Variants in MYO7B observed in about 807,000 individuals in gnomAD.
MYO7B encodes myosin VIIB, also known as unconventional myosin-VIIb.
MYO7B carries 212 observed loss-of-function variants against 259.7 expected under a neutral mutation model. The ratio of observed to expected loss-of-function variants is 0.82; its 90% confidence interval spans 0.73 to 0.91. The LOEUF is 0.91. Ranked by LOEUF, MYO7B falls within the 40% of genes least tolerant of loss-of-function variation. MYO7B has a pLI of 0.00. For missense variants in MYO7B, 2,732 were observed against 2,813.5 expected (o/e 0.97, Z 0.66); for synonymous variants, 1,197 against 1,166.4 (o/e 1.03, Z -0.54).
At position 127,576,699 on chromosome 2, in the gene MYO7B, C is replaced by T. The variant is rs984076331; in HGVS notation, c.840C>T (p.Tyr280=). Residue 280 remains tyrosine (Y), a synonymous_variant, in exon 8 of 48, where the codon TAC becomes TAT. Transcript: ENST00000409816. The surrounding 1 kb of genome is among the most constrained non-coding windows in gnomAD (Gnocchi z 4.9). ...LSLGTPSEYH[Y]LTMGNCTSCE... is the part of the protein sequence containing the mutation. Reference sequence around the variant, plus strand: ...TGGGCACGCCCTCCGAGTACCACTACCTGACCATGGTGAGCTGCCCACCTG... The same window carrying T: ...TGGGCACGCCCTCCGAGTACCACTATCTGACCATGGTGAGCTGCCCACCTG... 7.5e-6 allele frequency: 12 copies of T among 1,601,544 alleles called. No individual in the cohort carries two copies. The Admixed American group carries it at 1.0e-4, about 13-fold the overall frequency.
Position 127,607,245 on chromosome 2 carries a change from A to G in MYO7B, c.2464A>G (p.Ser822Gly). 1 of 1,550,440 alleles carries G rather than the reference A, an allele frequency of 6.4e-7. No homozygotes were observed. Among genetic ancestry groups the G allele is most frequent in the Non-Finnish European group, 8.7e-7 (1 of 1,146,922 alleles). Residue 822 changes from serine (S) to glycine (G), a missense_variant, in exon 21 of 48, where the codon AGC becomes GGC. Ser to Gly is a moderately conservative substitution (Grantham distance 56). Transcript: ENST00000409816. This position sits in a 1 kb window ranked among gnomAD's most constrained non-coding sequence, Gnocchi z 4.4. ...GFERLQAIAR[S>G]QPLARQYQAM... ...TGAGCGCCTGCAGGCTATTGCCCGG[A>G]GCCAGCCGCTGGCGAGGCAGTACCA...
chr2:127,573,854 T>A, intron 6 of MYO7B, 66 bp from the exon 7 acceptor site: 2 of 1,594,990 alleles, frequency 1.3e-6, no homozygotes, highest in South Asian at 2.2e-5. Flanking sequence ...CCCTCTTACA[T>A]GATCCCACTC....
chr2:127,588,524 G>A lies in MYO7B; in HGVS notation c.1823G>A (p.Arg608His), dbSNP rs374615055. ...ACCAAGCTGGGCCATGGGACCATCC[G>A]CCAGGCAAAGGCAGGAAACCATCTC... ...AETKLGHGTI[R>H]QAKAGNHLFK... The change falls in exon 15 of 48, where the codon CGC becomes CAC. Residue 608 changes from arginine (R) to histidine (H), a missense_variant. Transcript: ENST00000409816. 135 of 1,613,126 alleles carry A rather than the reference G, an allele frequency of 8.4e-5. No individual in the cohort carries two copies. Among genetic ancestry groups the A allele is most frequent in the Admixed American group, 1.7e-4 (10 of 60,008 alleles).
Position 127,628,345 on chromosome 2 carries a change from C to G in MYO7B, c.4461-27C>G. ...GGATCAGGGGAAGGTGGAGGGGGCT[C>G]CTGGTCACGCTGTCCTTCATCTCCA... On this transcript the variant is annotated intron_variant, in intron 33 of 47. Coordinates refer to ENST00000409816, the MANE Select transcript of MYO7B (RefSeq NM_001393586.1). The surrounding 1 kb of genome is among the most constrained non-coding windows in gnomAD (Gnocchi z 4.8). 6.3e-7 allele frequency: 1 copy of G among 1,581,834 alleles called. No homozygotes were observed. Among genetic ancestry groups the G allele is most frequent in the Non-Finnish European group, 8.6e-7 (1 of 1,166,854 alleles).
chr2:127,574,202 G>C (rs1193211578), intron 7 of MYO7B, 140 bp downstream of exon 7: 2 of 1,116,142 alleles, frequency 1.8e-6, no homozygotes, highest in Non-Finnish European at 2.5e-6. Flanking sequence ...GATAATGAGG[G>C]CCCTTCCCCA....
At chr2:127,626,769 ACT>A in intron 31 of MYO7B, 4 of 529,400 alleles carry the variant, frequency 7.6e-6, no homozygotes, top group South Asian at 4.3e-5. Flanking sequence ...ACAGAGCGAG[ACT>A]CTGTCTCAAA....
Position 127,584,726 on chromosome 2 carries a change from C to T in MYO7B, c.1555-52C>T. 6.2e-7 allele frequency: 1 copy of T among 1,605,030 alleles called. No homozygotes were observed. The highest frequency in any genetic ancestry group is 8.5e-7 in the Non-Finnish European group (1 of 1,174,864). On this transcript the variant is annotated intron_variant, in intron 13 of 47. Coordinates refer to ENST00000409816, the MANE Select transcript of MYO7B (RefSeq NM_001393586.1). The surrounding 1 kb of genome is among the most constrained non-coding windows in gnomAD (Gnocchi z 5.8). Reference sequence around the variant, plus strand: ...TGAGGAAGTCCCTGAGCCTCACCTCCCCATGGCTGGACTCTGGGACCTCAG... The same window carrying T: ...TGAGGAAGTCCCTGAGCCTCACCTCTCCATGGCTGGACTCTGGGACCTCAG...
At chr2:127,536,334 G>A (rs1033172576) in intron 1 of MYO7B, among the ~76,000 whole-genome samples, 12 of 152,186 alleles carry the variant, frequency 7.9e-5, no homozygotes, top group African/African-American at 2.2e-4. Flanking sequence ...AGGTGCCCAC[G>A]GGAAGAAGCA....
At chr2:127,631,395 G>A (rs1422776177) in intron 37 of MYO7B, 32 bp downstream of exon 37, 13 of 1,588,028 alleles carry the variant, frequency 8.2e-6, no homozygotes, top group African/African-American at 4.0e-5. Context: ...CCTGCACCTC[G>A]TCAATGCCAG....
In MYO7B at chr2:127,606,025, C is replaced by T. The variant is rs933084764; in HGVS notation, c.2424+97C>T. The T allele has an allele frequency of 1.2e-5, 12 of 996,856 alleles. No individual in the cohort carries two copies. In the African/African-American group the frequency reaches 1.6e-4, roughly 13 times the overall value. The allele number at this position is 996,856 out of a possible 1,614,324, so 61.8% of individuals were successfully genotyped here. On this transcript the variant is annotated intron_variant, in intron 20 of 47. Coordinates refer to ENST00000409816, the MANE Select transcript of MYO7B (RefSeq NM_001393586.1). ...AAGTTTGTTTCTCTGAATGAGAGACCTCAGGCAGGAAGGATCAAATCATTC... is the reference window on the plus strand; with the variant it reads ...AAGTTTGTTTCTCTGAATGAGAGACTTCAGGCAGGAAGGATCAAATCATTC...
chr2:127,631,344 C>T lies in MYO7B; in HGVS notation c.5076C>T (p.Ile1692=), dbSNP rs750341055. The part of the protein sequence containing the change: ...RVHANVDLWD[I]ACQIFVAILR... ...ACGCCAACGTCGACCTCTGGGACAT[C>T]GCCTGCCAGATCTTTGTCGATATCC... The change falls in exon 37 of 48, where the codon ATC becomes ATT. Residue 1692 remains isoleucine, a synonymous_variant. Transcript: ENST00000409816. 6.2e-6 allele frequency: 10 copies of T among 1,609,166 alleles called. No homozygotes were observed. The highest frequency in any genetic ancestry group is 1.7e-5 in the Admixed American group (1 of 59,880).
At chr2:127,624,372 C>A in intron 30 of MYO7B, 52 bp downstream of exon 30, 2 of 1,498,794 alleles carry the variant, frequency 1.3e-6, no homozygotes, top group Non-Finnish European at 9.0e-7. Context: ...CAGGAAACAT[C>A]CCATAGAGGA....
At position 127,566,525 on chromosome 2, in the gene MYO7B, C is replaced by A. The variant is rs1034660075; in HGVS notation, c.286-118C>A. 3 of 934,128 alleles carry A rather than the reference C, an allele frequency of 3.2e-6. No homozygotes were observed. The African/African-American group carries it at 5.7e-5, about 18-fold the overall frequency. The allele number at this position is 934,128 out of a possible 1,614,324, so 57.9% of individuals were successfully genotyped here. ...CCCAGAATCAGATTCTACTTCCCCA[C>A]CAAAGTCAGTGGCCCTGATAACCCC... On this transcript the variant is annotated intron_variant, in intron 4 of 47. Transcript: ENST00000409816.
intron 20 of MYO7B, 30 bp downstream of exon 20, chr2:127,605,958 G>A (rs879795272): frequency 2.1e-5 from 26 of 1,212,086 alleles, no homozygotes; most frequent in Admixed American, 1.8e-4. Context: ...CGGCTGGGCC[G>A]CGGGACCAGC....
intron 1 of MYO7B, among the ~76,000 whole-genome samples, chr2:127,557,466 T>A (rs1198908923): frequency 1.3e-5 from 2 of 152,044 alleles, no homozygotes; most frequent in Non-Finnish European, 1.5e-5. Context: ...TTGGGGGTTT[T>A]AAAAAAACCC....
intron 39 of MYO7B, 42 bp downstream of exon 39, chr2:127,632,443 C>T (rs370882935): frequency 7.4e-5 from 110 of 1,496,144 alleles, no homozygotes; most frequent in Non-Finnish European, 9.2e-5. Flanking sequence ...GCCCTGGGCC[C>T]GCAGACCTGG....
intron 42 of MYO7B, chr2:127,634,894 G>A: frequency 1.6e-6 from 1 of 637,142 alleles, no homozygotes; most frequent in Non-Finnish European, 2.8e-6. Flanking sequence ...GGATGCCCCA[G>A]GGCTGAGGGG....
rs36105119 is a variant in MYO7B at position 127,597,611 on chromosome 2, A to ATATTTATT, written c.2339+1089_2339+1096dup. ...TTCATCCAGGTTATTGCTTGCATTA[A>ATATTTATT]TATTTATTTATTTATTTATTTATTT... On this transcript the variant is annotated intron_variant, in intron 19 of 47. Transcript: ENST00000409816. This position sits in a 1 kb window ranked among gnomAD's most constrained non-coding sequence, Gnocchi z 4.8. 0.044 allele frequency among the ~76,000 whole-genome samples: 6,379 copies of ATATTTATT among 145,844 alleles called. 209 individuals are homozygous for ATATTTATT. The highest frequency in any genetic ancestry group is 0.084 in the African/African-American group (3,251 of 38,826).
chr2:127,589,026 G>A (rs1481915054), intron 15 of MYO7B, among the ~76,000 whole-genome samples: 1 of 147,518 alleles, frequency 6.8e-6, no homozygotes, highest in Non-Finnish European at 1.5e-5. Flanking sequence ...GTGGTGGGTG[G>A]GTGGATGGAT....
Sources: allele counts gnomAD v4.1 joint callset (sites outside exome capture counted in the v4.1 genomes callset), GRCh38; gene constraint gnomAD v4.1.1; non-coding constraint Gnocchi (gnomAD v3.1); transcripts MANE v1.5; gene names NCBI Gene and HGNC (gene_info 2026-07-23, HGNC 2026-07-21).